Variants in DDX60L observed in about 807,000 individuals in gnomAD.
The protein encoded by DDX60L is DExD/H-box 60 like, also known as probable ATP-dependent RNA helicase DDX60-like.
In DDX60L, 191 loss-of-function variants were observed where a neutral mutation model predicts 211.6. That is an observed-to-expected ratio of 0.90 (90% CI 0.80 to 1.02). DDX60L has a LOEUF of 1.02. Ranked by LOEUF, DDX60L falls within the 50% of genes least tolerant of loss-of-function variation. The probability of loss-of-function intolerance (pLI) is 0.00; values close to 1 mark genes in which losing one functional copy is unlikely to be tolerated. For synonymous variants in DDX60L, 706 were observed against 694.1 expected (o/e 1.02, Z -0.27); for missense variants, 2,007 against 1,984.1 (o/e 1.01, Z -0.22).
At chr4:168,364,896 A>T (rs571429765) in intron 36 of DDX60L, among the ~76,000 whole-genome samples, 2 of 152,318 alleles carry the variant, frequency 1.3e-5, no homozygotes, top group Non-Finnish European at 2.9e-5. Flanking sequence ...TTACAAATAC[A>T]TGGAAATTAA....
At chr4:168,405,127 A>G (rs141841619) in intron 24 of DDX60L, among the ~76,000 whole-genome samples, 1,876 of 152,014 alleles carry the variant, frequency 0.012, 21 homozygotes, top group Middle Eastern at 0.027. Context: ...TTCCACTTCA[A>G]TCTCCAGAGT....
At chr4:168,380,911 C>T (rs1228753775) in intron 30 of DDX60L, 1 of 152,202 alleles carries the variant, frequency 6.6e-6, no homozygotes, top group East Asian at 1.9e-4. Context: ...GAGCAAAGGT[C>T]AATTTTGTTA....
chr4:168,408,547 ATGGTTG>A (rs1554002393), intron 22 of DDX60L, among the ~76,000 whole-genome samples: 14 of 152,206 alleles, frequency 9.2e-5, no homozygotes. Flanking sequence ...AGATCATTAT[ATGGTTG>A]TATCGGTTTG....
At chr4:168,452,511 AT>A (rs1279868033) in intron 8 of DDX60L, among the ~76,000 whole-genome samples, 2 of 152,350 alleles carry the variant, frequency 1.3e-5, no homozygotes, top group Admixed American at 1.3e-4. Context: ...GCATGCCTGT[AT>A]CAAAACATCT....
intron 16 of DDX60L, 22 bp downstream of exon 16, chr4:168,422,501 AG>A (rs1355216403): frequency 1.1e-5 from 18 of 1,592,808 alleles, no homozygotes; most frequent in Non-Finnish European, 1.5e-5. Flanking sequence ...TGATTAGAAA[AG>A]TACAATGTTT....
Position 168,416,683 on chromosome 4 carries a change from T to G in DDX60L, c.2725A>C (p.Lys909Gln), listed in dbSNP as rs767087879. The G allele has an allele frequency of 6.3e-7, 1 of 1,583,116 alleles. No individual in the cohort carries two copies. The highest frequency in any genetic ancestry group is 8.6e-7 in the Non-Finnish European group (1 of 1,162,940). Residue 909 changes from lysine to glutamine, a missense_variant and splice_region_variant, in exon 20 of 38, where the codon AAG becomes CAG. Coordinates refer to ENST00000682922, the MANE Select transcript of DDX60L (RefSeq NM_001012967.3). ...ACCACTCTTTTTACCTATACCTACT[T>G]GGTGAGAAGATTTGGGTTATTTATG... The part of the protein sequence containing the change: ...ATINNPNLLT[K>Q]WLQSVKQYWK...
At chr4:168,455,394 A>G (rs1021261471) in intron 7 of DDX60L, among the ~76,000 whole-genome samples, 2 of 152,024 alleles carry the variant, frequency 1.3e-5, no homozygotes, top group African/African-American at 4.8e-5. Flanking sequence ...ACAATTATAA[A>G]AATTCAGGAT....
At position 168,465,749 on chromosome 4, in the gene DDX60L, C is replaced by A. The variant is rs919868630; in HGVS notation, c.265-3709G>T. On this transcript the variant is annotated intron_variant, in intron 4 of 37. Coordinates refer to ENST00000682922, the MANE Select transcript of DDX60L (RefSeq NM_001012967.3). ...TCCTGAGCACCATTTACTGAAGACA[C>A]TGTCCTTTCCCCAGTGAACGTTCTT... is the stretch of plus-strand genomic sequence containing the variant. 2.6e-5 allele frequency among the ~76,000 whole-genome samples: 4 copies of A among 152,122 alleles called. No individual in the cohort carries two copies. The East Asian group carries it at 7.7e-4, about 29-fold the overall frequency.
At chr4:168,446,358 C>T (rs976814780) in intron 9 of DDX60L, among the ~76,000 whole-genome samples, 21 of 152,202 alleles carry the variant, frequency 1.4e-4, no homozygotes, top group Admixed American at 5.2e-4. Context: ...GAACTACAAA[C>T]CACTGCTCAA....
intron 36 of DDX60L, among the ~76,000 whole-genome samples, chr4:168,368,574 G>C (rs781733955): frequency 1.8e-4 from 28 of 152,352 alleles, no homozygotes; most frequent in Non-Finnish European, 3.7e-4. Flanking sequence ...TAGTGGAGCT[G>C]TGAGAAGAGG....
Position 168,373,674 on chromosome 4 carries a change from T to TA in DDX60L, c.4767dup (p.Ile1590TyrfsTer12). On this transcript the variant is annotated frameshift_variant, in exon 35 of 38. Coordinates refer to ENST00000682922, the MANE Select transcript of DDX60L (RefSeq NM_001012967.3). LOFTEE classifies it high-confidence loss of function. ...ATGTATCCTTCACTTACCTGGTTGA[T>TA]AGTCTCTGGTCGAAGCAAATCATTA... The TA allele has an allele frequency of 6.2e-7, 1 of 1,613,550 alleles. No individual in the cohort carries two copies. Among genetic ancestry groups the TA allele is most frequent in the Non-Finnish European group, 8.5e-7 (1 of 1,179,614 alleles).
intron 3 of DDX60L, 146 bp downstream of exon 3, chr4:168,472,309 G>A: frequency 3.1e-6 from 2 of 641,916 alleles, no homozygotes; most frequent in Non-Finnish European, 5.5e-6. Flanking sequence ...GACAACTATA[G>A]GAAGAAGAGT....
At chr4:168,416,405 C>T (rs1749567398) in intron 20 of DDX60L, among the ~76,000 whole-genome samples, 2 of 152,102 alleles carry the variant, frequency 1.3e-5, no homozygotes, top group East Asian at 1.9e-4. Context: ...TCTCTAACTT[C>T]CAGGAAATAT....
chr4:168,432,092 T>C (rs2149946093), intron 12 of DDX60L, among the ~76,000 whole-genome samples: 1 of 152,234 alleles, frequency 6.6e-6, no homozygotes, highest in South Asian at 2.1e-4. Flanking sequence ...ACCATGCATA[T>C]GTACATCCTT....
At chr4:168,388,696 A>C (rs781361122) in intron 29 of DDX60L, among the ~76,000 whole-genome samples, 1 of 152,228 alleles carries the variant, frequency 6.6e-6, no homozygotes, top group East Asian at 1.9e-4. Context: ...AGATTCCCCC[A>C]TATTAATCAT....
At chr4:168,437,650 T>C (rs1399940548) in intron 10 of DDX60L, among the ~76,000 whole-genome samples, 1 of 152,120 alleles carries the variant, frequency 6.6e-6, no homozygotes, top group African/African-American at 2.4e-5. Context: ...AAAATAGAGA[T>C]TGCAAGACTG....
intron 1 of DDX60L, among the ~76,000 whole-genome samples, chr4:168,479,580 A>C (rs1760107120): frequency 6.6e-6 from 1 of 152,164 alleles, no homozygotes; most frequent in Non-Finnish European, 1.5e-5. Flanking sequence ...GTTTATTATA[A>C]ATTTATCAAT....
chr4:168,401,426 G>A (rs1045446186), intron 25 of DDX60L, among the ~76,000 whole-genome samples: 2 of 152,152 alleles, frequency 1.3e-5, no homozygotes, highest in African/African-American at 2.4e-5. Context: ...ACCAAACCAA[G>A]GTATATGTTA....
Position 168,423,607 on chromosome 4 carries a change from C to T in DDX60L, c.2097+1G>A, listed in dbSNP as rs866414575. The T allele has an allele frequency of 2.0e-6, 3 of 1,523,438 alleles. No homozygotes were observed. The highest frequency in any genetic ancestry group is 2.1e-5 in the Admixed American group (1 of 47,170). The allele number at this position is 1,523,438 out of a possible 1,614,324, so 94.4% of individuals were successfully genotyped here. On this transcript the variant is annotated splice_donor_variant, in intron 15 of 37. Transcript: ENST00000682922. LOFTEE classifies it high-confidence loss of function. ...AGTATAAGAAATTCTAGTTCTCTTA[C>T]CAGAGTTGGATCCAAAGAGTTTGCC... is the stretch of plus-strand genomic sequence containing the variant.
Sources: allele counts gnomAD v4.1 joint callset (sites outside exome capture counted in the v4.1 genomes callset), GRCh38; gene constraint gnomAD v4.1.1; transcripts MANE v1.5; gene names NCBI Gene and HGNC (gene_info 2026-07-23, HGNC 2026-07-21).